The following EGFLAM variants were observed in gnomAD, a reference collection of about 807,000 sequenced individuals.
EGFLAM encodes the protein EGF like, fibronectin type III and laminin G domains, also known as pikachurin.
In EGFLAM, 79 loss-of-function variants were observed where a neutral mutation model predicts 113.1. The ratio of observed to expected loss-of-function variants is 0.70; its 90% CI spans 0.58 to 0.84. EGFLAM has a LOEUF of 0.84. Among genes scored for constraint, EGFLAM ranks in the 40% least tolerant of loss-of-function variants. The pLI is 0.00. For synonymous variants in EGFLAM, 504 were observed against 487.6 expected (o/e 1.03, Z -0.44); for missense variants, 1,265 against 1,291.6 (o/e 0.98, Z 0.32).
chr5:38,300,396 T>C (rs1042930646), intron 1 of EGFLAM, among the ~76,000 whole-genome samples: 3 of 149,078 alleles, frequency 2.0e-5, no homozygotes, highest in African/African-American at 7.5e-5. Context: ...TTTTTTGAGA[T>C]GGAGTCTCAC....
chr5:38,310,691 T>C (rs1431249197), intron 1 of EGFLAM, among the ~76,000 whole-genome samples: 1 of 152,162 alleles, frequency 6.6e-6, no homozygotes, highest in South Asian at 2.1e-4. Context: ...ATATGTACCC[T>C]TGTGGCTTGA....
At position 38,406,211 on chromosome 5, in the gene EGFLAM, C is replaced by T. The variant is rs555876298; in HGVS notation, c.798C>T (p.Asp266=). The T allele has an allele frequency of 2.2e-5, 35 of 1,614,006 alleles. No individual in the cohort carries two copies. The highest frequency in any genetic ancestry group is 8.3e-5 in the Admixed American group (5 of 59,998). ...GAGEDDEGFE[D]DLDLDISFEE... is the part of the protein sequence containing the mutation. Reference sequence around the variant, plus strand: ...GTGAGGATGATGAAGGATTTGAAGACGACTTAGATTTGGATATTTCCTTTG... The same window carrying T: ...GTGAGGATGATGAAGGATTTGAAGATGACTTAGATTTGGATATTTCCTTTG... The change falls in exon 7 of 22, where the codon GAC becomes GAT. Residue 266 remains aspartate (D), a synonymous_variant. Coordinates refer to ENST00000322350, the MANE Select transcript of EGFLAM (RefSeq NM_152403.4).
chr5:38,326,682 T>TG (rs2111910761), intron 1 of EGFLAM, among the ~76,000 whole-genome samples: 1 of 150,576 alleles, frequency 6.6e-6, no homozygotes, highest in Admixed American at 6.6e-5. Flanking sequence ...TTAGTAGAGA[T>TG]GGGGTTTCAC....
At position 38,418,329 on chromosome 5, in the gene EGFLAM, C is replaced by A. The variant is rs73749231; in HGVS notation, c.1684+74C>A. 8,266 of 1,537,048 alleles carry A rather than the reference C, an allele frequency of 5.4e-3. 293 individuals carry two copies. The African/African-American group carries it at 0.082, about 15-fold the overall frequency. On this transcript the variant is annotated intron_variant, in intron 12 of 21. Coordinates refer to ENST00000322350, the MANE Select transcript of EGFLAM (RefSeq NM_152403.4). Reference sequence around the variant, plus strand: ...TATGGGACTGCCTTTCTGGCTTGGGCCATGGAGGGAGCAGCAACATTAGGT... The same window carrying A: ...TATGGGACTGCCTTTCTGGCTTGGGACATGGAGGGAGCAGCAACATTAGGT...
At position 38,431,289 on chromosome 5, in the gene EGFLAM, G is replaced by A; in HGVS notation, c.2166+1G>A. On this transcript the variant is annotated splice_donor_variant, in intron 15 of 21. Transcript: ENST00000322350. LOFTEE classifies it high-confidence loss of function. ...GAAGATAGTGGAGGGAATGGCAGAG[G>A]TAAGAACAGTACACCTTTTCTCTTG... is the stretch of plus-strand genomic sequence containing the variant. The A allele has an allele frequency of 6.2e-7, 1 of 1,613,574 alleles. No individual in the cohort carries two copies. The highest frequency in any genetic ancestry group is 1.3e-5 in the African/African-American group (1 of 75,028).
At chr5:38,296,213 G>C (rs1758450429) in intron 1 of EGFLAM, among the ~76,000 whole-genome samples, 1 of 152,202 alleles carries the variant, frequency 6.6e-6, no homozygotes. Flanking sequence ...TGTGGGAGGA[G>C]CCAAGGCGGA....
chr5:38,431,291 A>G lies in EGFLAM; in HGVS notation c.2166+3A>G. 6.2e-7 allele frequency: 1 copy of G among 1,613,534 alleles called. No individual in the cohort carries two copies. The highest frequency in any genetic ancestry group is 8.5e-7 in the Non-Finnish European group (1 of 1,179,550). ...AGATAGTGGAGGGAATGGCAGAGGT[A>G]AGAACAGTACACCTTTTCTCTTGAT... On this transcript the variant is annotated splice_donor_region_variant and intron_variant, in intron 15 of 21. Coordinates refer to ENST00000322350, the MANE Select transcript of EGFLAM (RefSeq NM_152403.4).
At chr5:38,383,282 AT>A (rs1740564571) in intron 6 of EGFLAM, among the ~76,000 whole-genome samples, 1 of 152,240 alleles carries the variant, frequency 6.6e-6, no homozygotes, top group East Asian at 1.9e-4. Flanking sequence ...TGTCAAAATG[AT>A]GCAAACAACT....
intron 5 of EGFLAM, 40 bp downstream of exon 5, chr5:38,352,371 G>T: frequency 6.2e-7 from 1 of 1,608,380 alleles, no homozygotes; most frequent in South Asian, 1.1e-5. Context: ...AATGTGTGCT[G>T]GGCGCGGTGG....
chr5:38,262,508 GA>G (rs1294584786), intron 1 of EGFLAM, among the ~76,000 whole-genome samples: 1 of 152,022 alleles, frequency 6.6e-6, no homozygotes, highest in East Asian at 1.9e-4. Flanking sequence ...TCCCTTTGTA[GA>G]AAAATGACTC....
intron 1 of EGFLAM, among the ~76,000 whole-genome samples, chr5:38,266,792 T>C (rs931314658): frequency 6.6e-6 from 1 of 152,244 alleles, no homozygotes; most frequent in Non-Finnish European, 1.5e-5. Flanking sequence ...TAAAACAGAA[T>C]TATCCAAACT....
intron 7 of EGFLAM, 110 bp from the exon 8 acceptor site, chr5:38,406,718 G>A (rs775993327): frequency 2.1e-5 from 21 of 1,015,020 alleles, no homozygotes; most frequent in Non-Finnish European, 2.9e-5. Context: ...TCCATCCTAG[G>A]GTTTTTGGAA....
chr5:38,271,731 C>T (rs933472727), intron 1 of EGFLAM, among the ~76,000 whole-genome samples: 21 of 152,328 alleles, frequency 1.4e-4, no homozygotes, highest in Middle Eastern at 3.4e-3. Flanking sequence ...TCTCTTCTCC[C>T]TTTCTACTTT....
chr5:38,314,236 G>C (rs1171454315), intron 1 of EGFLAM, among the ~76,000 whole-genome samples: 1 of 152,064 alleles, frequency 6.6e-6, no homozygotes, highest in East Asian at 1.9e-4. Flanking sequence ...GTTATCTGTT[G>C]AATAATTCAT....
chr5:38,377,207 A>G (rs1452369745), intron 6 of EGFLAM, among the ~76,000 whole-genome samples: 1 of 151,496 alleles, frequency 6.6e-6, no homozygotes, highest in Non-Finnish European at 1.5e-5. Context: ...CTGCAACCTC[A>G]GTTCACTGCA....
chr5:38,280,713 C>T (rs1419238153), intron 1 of EGFLAM, among the ~76,000 whole-genome samples: 1 of 152,226 alleles, frequency 6.6e-6, no homozygotes, highest in Non-Finnish European at 1.5e-5. Context: ...TAAAGCTGCT[C>T]ACACCTCTGT....
At chr5:38,272,603 A>G (rs1219118567) in intron 1 of EGFLAM, among the ~76,000 whole-genome samples, 5 of 152,234 alleles carry the variant, frequency 3.3e-5, no homozygotes, top group Non-Finnish European at 5.9e-5. Context: ...CTTGAAAGCA[A>G]AGCAGCCAAA....
chr5:38,421,633 A>G (rs1161600093), intron 12 of EGFLAM, among the ~76,000 whole-genome samples: 1 of 152,228 alleles, frequency 6.6e-6, no homozygotes, highest in African/African-American at 2.4e-5. Context: ...GAGAGACCAA[A>G]TTAATATAGT....
At chr5:38,329,532 A>G (rs999600047) in intron 1 of EGFLAM, among the ~76,000 whole-genome samples, 1 of 151,908 alleles carries the variant, frequency 6.6e-6, no homozygotes, top group African/African-American at 2.4e-5. Context: ...AGTGACTGGC[A>G]TCCTCCTTCT....
Sources: allele counts gnomAD v4.1 joint callset (sites outside exome capture counted in the v4.1 genomes callset), GRCh38; gene constraint gnomAD v4.1.1; transcripts MANE v1.5; gene names NCBI Gene and HGNC (gene_info 2026-07-23, HGNC 2026-07-21).